ABCC12: variants seen among roughly 807,000 people sequenced by gnomAD.
ABCC12 encodes the protein ATP binding cassette subfamily C member 12.
ABCC12 carries 142 observed loss-of-function variants against 151.1 expected under a neutral mutation model. The ratio of observed to expected loss-of-function variants is 0.94; its 90% confidence interval spans 0.82 to 1.08. The LOEUF is 1.08. Among genes scored for constraint, ABCC12 ranks in the 50% least tolerant of loss-of-function variants. ABCC12 has a pLI of 0.00. For missense variants in ABCC12, 1,638 were observed against 1,691.1 expected, an observed-to-expected ratio of 0.97 and a Z score of 0.55; for synonymous variants, 645 against 646.4, an observed-to-expected ratio of 1.00 and a Z score of 0.03.
chr16:48,142,420 A>T (rs1415440443), intron 4 of ABCC12, among the ~76,000 whole-genome samples: 2 of 152,216 alleles, frequency 1.3e-5, no homozygotes, highest in Non-Finnish European at 2.9e-5. Flanking sequence ...AAAGGCAAGG[A>T]TCTAAGTGGA....
intron 25 of ABCC12, 73 bp from the exon 26 acceptor site, chr16:48,088,807 G>A (rs559247510): frequency 3.0e-4 from 400 of 1,329,094 alleles, no homozygotes; most frequent in Non-Finnish European, 3.9e-4. Flanking sequence ...TTCATTCATT[G>A]ATTCACACAG....
chr16:48,108,597 C>T (rs1963580981), intron 18 of ABCC12, 68 bp from the exon 19 acceptor site: 2 of 1,293,742 alleles, frequency 1.5e-6, no homozygotes, highest in Non-Finnish European at 2.2e-6. Flanking sequence ...GTAGGCACGG[C>T]CCCTCCACAG....
intron 15 of ABCC12, among the ~76,000 whole-genome samples, chr16:48,114,892 CAG>C (rs1963821430): frequency 6.6e-6 from 1 of 152,186 alleles, no homozygotes; most frequent in South Asian, 2.1e-4. Context: ...TGGCCCTGAG[CAG>C]AGAGAGCTTC....
At chr16:48,155,307 G>GAAGGATGCAGAGCCTGGA (rs1164110580) in intron 1 of ABCC12, among the ~76,000 whole-genome samples, 1 of 150,986 alleles carries the variant, frequency 6.6e-6, no homozygotes, top group East Asian at 1.9e-4. Context: ...CACGATCAAA[G>GAAGGATGCAGAGCCTGGA]AAGGATGCAG....
chr16:48,140,770 T>C lies in ABCC12; in HGVS notation c.574A>G (p.Ile192Val), dbSNP rs761199299. The C allele has an allele frequency of 1.4e-5, 22 of 1,614,022 alleles. No individual in the cohort carries two copies. ...GTGGAGAGCGCCACCTTCAACCGGA[T>C]GGCCGTGCGGTAGTTGATGGCCCAG... ...LAWAINYRTA[I>V]RLKVALSTLV... Residue 192 changes from isoleucine to valine, a missense_variant, in exon 6 of 31, where the codon ATC becomes GTC. Physicochemically the swap from Ile to Val is conservative, Grantham distance 29. Coordinates refer to ENST00000311303, the MANE Select transcript of ABCC12 (RefSeq NM_001393797.1).
intron 8 of ABCC12, among the ~76,000 whole-genome samples, chr16:48,135,933 C>A (rs1004529801): frequency 9.9e-5 from 15 of 152,174 alleles, no homozygotes; most frequent in Admixed American, 2.6e-4. Flanking sequence ...CATATCCACA[C>A]AGGACAGCTC....
intron 22 of ABCC12, among the ~76,000 whole-genome samples, chr16:48,102,063 C>A (rs932939635): frequency 1.3e-5 from 2 of 152,160 alleles, no homozygotes; most frequent in South Asian, 2.1e-4. Flanking sequence ...AAAATGAAAA[C>A]CCCAACTTTC....
chr16:48,094,626 A>G lies in ABCC12; in HGVS notation c.3195+2120T>C, dbSNP rs147681643. On this transcript the variant is annotated intron_variant, in intron 24 of 30. Coordinates refer to ENST00000311303, the MANE Select transcript of ABCC12 (RefSeq NM_001393797.1). ...ACCCTTTATCCCTAGGCATGGGAGCACACATGCACATGGACACACACACAT... is the reference window on the plus strand; with the variant it reads ...ACCCTTTATCCCTAGGCATGGGAGCGCACATGCACATGGACACACACACAT... 1.5e-3 allele frequency among the ~76,000 whole-genome samples: 224 copies of G among 152,342 alleles called. 1 individual carries two copies. Among genetic ancestry groups the G allele is most frequent in the African/African-American group, 5.0e-3 (207 of 41,588 alleles).
At chr16:48,146,227 AG>A in intron 3 of ABCC12, 78 bp downstream of exon 3, 2 of 1,285,890 alleles carry the variant, frequency 1.6e-6, no homozygotes, top group Non-Finnish European at 2.3e-6. Context: ...GATGGGTTGC[AG>A]GAGCAGTGCC....
chr16:48,083,772 A>G lies in ABCC12; in HGVS notation c.4023T>C (p.Leu1341=). 6.2e-7 allele frequency: 1 copy of G among 1,614,242 alleles called. No homozygotes were observed. The highest frequency in any genetic ancestry group is 8.5e-7 in the Non-Finnish European group (1 of 1,180,050). Residue 1341 remains leucine, a synonymous_variant, in exon 31 of 31, where the codon CTT becomes CTC. Transcript: ENST00000311303. ...CAAATGCAGAATCTGGCTTCTCTGCAAGGACTTCAGGCTTGTCAAACTCAA... is the reference window on the plus strand; with the variant it reads ...CAAATGCAGAATCTGGCTTCTCTGCGAGGACTTCAGGCTTGTCAAACTCAA... ...KVIEFDKPEV[L]AEKPDSAFAM...
chr16:48,124,132 T>TG, intron 12 of ABCC12, 81 bp downstream of exon 12: 3 of 1,458,150 alleles, frequency 2.1e-6, no homozygotes, highest in Non-Finnish European at 2.9e-6. Flanking sequence ...GGCCATCTGC[T>TG]GGGTCCACGC....
At chr16:48,148,874 C>T (rs970295123) in intron 2 of ABCC12, among the ~76,000 whole-genome samples, 3 of 151,896 alleles carry the variant, frequency 2.0e-5, no homozygotes, top group Non-Finnish European at 4.4e-5. Context: ...AACTTTCCTA[C>T]ATACTTTTTT....
At chr16:48,095,135 G>A (rs1344728534) in intron 24 of ABCC12, among the ~76,000 whole-genome samples, 6 of 152,204 alleles carry the variant, frequency 3.9e-5, no homozygotes, top group African/African-American at 7.2e-5. Flanking sequence ...TAATTCCCAC[G>A]TGTTCTGGGA....
At chr16:48,141,060 G>T in intron 5 of ABCC12, 140 bp from the exon 6 acceptor site, 1 of 1,392,226 alleles carries the variant, frequency 7.2e-7, no homozygotes, top group Non-Finnish European at 9.7e-7. Flanking sequence ...TGCTTGACAA[G>T]GATTCACTTT....
In ABCC12 at chr16:48,096,607, T is replaced by C. The variant is rs1963103345; in HGVS notation, c.3195+139A>G. 4 of 876,340 alleles carry C rather than the reference T, an allele frequency of 4.6e-6. No individual in the cohort carries two copies. In the East Asian group the frequency reaches 7.3e-5, roughly 16 times the overall value. 54.3% of individuals were successfully genotyped at this position (876,340 alleles called of 1,614,324 possible). ...TCCACACAACCATCCTACTTTTTAA[T>C]GATGTGAGCCACTAAGCTCCCTTTC... On this transcript the variant is annotated intron_variant, in intron 24 of 30. Transcript: ENST00000311303.
intron 15 of ABCC12, among the ~76,000 whole-genome samples, chr16:48,112,731 C>G (rs2150620235): frequency 6.6e-6 from 1 of 152,198 alleles, no homozygotes; most frequent in South Asian, 2.1e-4. Flanking sequence ...AAATTACAAG[C>G]CTCCCTCATC....
In ABCC12 at chr16:48,082,579, G is replaced by A. The variant is rs367862420; in HGVS notation, c.*1136C>T. Among the ~76,000 whole-genome samples, 3 of 152,264 alleles carry A rather than the reference G, an allele frequency of 2.0e-5. No individual in the cohort carries two copies. Among genetic ancestry groups the A allele is most frequent in the East Asian group, 1.9e-4 (1 of 5,168 alleles). ...AGGTGCCAGGCACTCCTTCCTCCAC[G>A]TCTGGGGAAGCAAGTACGTGACCAA... is the stretch of plus-strand genomic sequence containing the variant. On this transcript the variant is annotated 3_prime_UTR_variant, in exon 31 of 31. Coordinates refer to ENST00000311303, the MANE Select transcript of ABCC12 (RefSeq NM_001393797.1).
chr16:48,138,334 T>G lies in ABCC12; in HGVS notation c.873A>C (p.Ala291=). The change falls in exon 8 of 31, where the codon GCA becomes GCC. Residue 291 remains alanine, a synonymous_variant. Coordinates refer to ENST00000311303, the MANE Select transcript of ABCC12 (RefSeq NM_001393797.1). ...GAACTCGCTTGTCTGTCACCAAAAT[T>G]GCTGACCTTCGGAAAGCTGAATTGA... The part of the protein sequence containing the change: ...AKLNSAFRRS[A]ILVTDKRVQT... 1.2e-6 allele frequency: 2 copies of G among 1,613,888 alleles called. No individual in the cohort carries two copies. The highest frequency in any genetic ancestry group is 1.7e-6 in the Non-Finnish European group (2 of 1,179,784).
intron 12 of ABCC12, among the ~76,000 whole-genome samples, chr16:48,122,562 G>C (rs1289660154): frequency 5.3e-5 from 8 of 152,254 alleles, no homozygotes; most frequent in Admixed American, 4.6e-4. Context: ...TATCAACAGA[G>C]GGTACATGTG....
Sources: allele counts gnomAD v4.1 joint callset (sites outside exome capture counted in the v4.1 genomes callset), GRCh38; gene constraint gnomAD v4.1.1; transcripts MANE v1.5; gene names NCBI Gene and HGNC (gene_info 2026-07-23, HGNC 2026-07-21).